The following RAB5A variants were observed in gnomAD, a reference collection of about 807,000 sequenced individuals.
RAB5A encodes RAB5A, member RAS oncogene family.
Under a neutral mutation model 25.7 loss-of-function variants are expected in RAB5A, and 8 were observed. The ratio of observed to expected loss-of-function variants is 0.31; its 90% confidence interval spans 0.18 to 0.56. RAB5A has a LOEUF of 0.56. Ranked by LOEUF, RAB5A falls within the 20% of genes least tolerant of loss-of-function variation. RAB5A has a pLI of 0.91. For synonymous variants in RAB5A, 98 were observed against 89.8 expected (o/e 1.09, Z -0.52); for missense variants, 192 against 259.7 (o/e 0.74, Z 1.79).
chr3:19,969,031 G>GTTTTTTTGTTTTT (rs1696702350), intron 2 of RAB5A, among the ~76,000 whole-genome samples: 1 of 99,702 alleles, frequency 1.0e-5, no homozygotes, highest in African/African-American at 5.0e-5. Context: ...TTTGGTTTTG[G>GTTTTTTTGTTTTT]TTTTTTTTTT....
intron 2 of RAB5A, among the ~76,000 whole-genome samples, chr3:19,974,626 AAT>A (rs1409325108): frequency 6.6e-6 from 1 of 151,958 alleles, no homozygotes; most frequent in East Asian, 1.9e-4. Context: ...TTTAAAAAAT[AAT>A]ATAGCAAGAG....
chr3:19,971,949 C>G (rs978079775), intron 2 of RAB5A, among the ~76,000 whole-genome samples: 2 of 144,436 alleles, frequency 1.4e-5, no homozygotes, highest in Non-Finnish European at 2.9e-5. Context: ...TTTGAACTTC[C>G]TTCTTTTAGT....
intron 2 of RAB5A, among the ~76,000 whole-genome samples, chr3:19,961,848 T>C (rs915880910): frequency 5.9e-5 from 9 of 152,362 alleles, no homozygotes; most frequent in African/African-American, 2.2e-4. Flanking sequence ...ATATGTCAGA[T>C]GTACTGTAAT....
At chr3:19,970,853 C>T (rs995197328) in intron 2 of RAB5A, 8 of 300,058 alleles carry the variant, frequency 2.7e-5, no homozygotes, top group African/African-American at 1.3e-4. Context: ...GAAGATGTCA[C>T]CTAAATGTCA....
intron 5 of RAB5A, among the ~76,000 whole-genome samples, chr3:19,979,450 A>G (rs1696880973): frequency 6.8e-6 from 1 of 147,148 alleles, no homozygotes; most frequent in African/African-American, 2.5e-5. Flanking sequence ...TGCCCGACTA[A>G]TTTTTTTTGT....
At chr3:19,950,103 A>G (rs1041187236) in intron 1 of RAB5A, among the ~76,000 whole-genome samples, 17 of 152,344 alleles carry the variant, frequency 1.1e-4, no homozygotes, top group South Asian at 6.2e-4. Context: ...AGTTACAATT[A>G]TTGTAAGTAA....
chr3:19,979,079 C>T (rs544222515), intron 5 of RAB5A, among the ~76,000 whole-genome samples: 6 of 151,952 alleles, frequency 3.9e-5, no homozygotes, highest in South Asian at 2.1e-4. Flanking sequence ...CGGATTCAAG[C>T]GGTTCTCCTG....
At chr3:19,948,206 A>G (rs935652436) in intron 1 of RAB5A, among the ~76,000 whole-genome samples, 1 of 152,284 alleles carries the variant, frequency 6.6e-6, no homozygotes, top group Middle Eastern at 3.4e-3. Context: ...GAAGCTGCTT[A>G]CCTCTGAGAC....
chr3:19,963,222 G>A (rs1696613094), intron 2 of RAB5A, among the ~76,000 whole-genome samples: 1 of 151,924 alleles, frequency 6.6e-6, no homozygotes, highest in Non-Finnish European at 1.5e-5. Flanking sequence ...ATATTTCTCA[G>A]TACATCTATA....
intron 2 of RAB5A, among the ~76,000 whole-genome samples, chr3:19,956,237 A>G (rs1304456169): frequency 2.0e-5 from 3 of 152,084 alleles, no homozygotes; most frequent in Non-Finnish European, 2.9e-5. Context: ...GGAGGGTGCC[A>G]GCACACTGGC....
At chr3:19,953,512 A>G (rs529979922) in intron 2 of RAB5A, among the ~76,000 whole-genome samples, 3 of 151,660 alleles carry the variant, frequency 2.0e-5, no homozygotes, top group African/African-American at 7.3e-5. Context: ...GGATCAAGCA[A>G]TTCTCATGCC....
chr3:19,951,101 A>G (rs764398542), intron 2 of RAB5A, 40 bp downstream of exon 2: 3 of 1,588,722 alleles, frequency 1.9e-6, no homozygotes, highest in South Asian at 2.2e-5. Context: ...TAATCGAATC[A>G]TACATTGACA....
At chr3:19,953,138 T>A (rs1310544052) in intron 2 of RAB5A, among the ~76,000 whole-genome samples, 1 of 152,198 alleles carries the variant, frequency 6.6e-6, no homozygotes, top group Non-Finnish European at 1.5e-5. Context: ...GAGCTTAAGA[T>A]TAGAATTTTT....
intron 2 of RAB5A, among the ~76,000 whole-genome samples, chr3:19,956,742 C>T (rs192109287): frequency 2.0e-5 from 3 of 152,246 alleles, no homozygotes; most frequent in Admixed American, 2.0e-4. Context: ...ACCACAATGC[C>T]TGGCACAGTA....
chr3:19,978,196 A>G, intron 4 of RAB5A, 114 bp from the exon 5 acceptor site: 1 of 741,366 alleles, frequency 1.3e-6, no homozygotes, highest in Non-Finnish European at 2.4e-6. Context: ...AGATGATTAT[A>G]GGAATCAGGT....
chr3:19,984,450 A>G lies in RAB5A; in HGVS notation c.*627A>G, dbSNP rs988254056. 14 of 225,758 alleles carry G rather than the reference A, an allele frequency of 6.2e-5. No individual in the cohort carries two copies. The highest frequency in any genetic ancestry group is 1.1e-4 in the Non-Finnish European group (12 of 113,362). 14.0% of individuals were successfully genotyped at this position (225,758 alleles called of 1,614,324 possible). On this transcript the variant is annotated 3_prime_UTR_variant, in exon 6 of 6. Transcript: ENST00000273047. Reference sequence around the variant, plus strand: ...TTAAATGGGGTAAAAATCAAATGCAACCCCATCTTGTTTTAGGAATTTTGA... The same window carrying G: ...TTAAATGGGGTAAAAATCAAATGCAGCCCCATCTTGTTTTAGGAATTTTGA...
chr3:19,957,144 G>A (rs1185975468), intron 2 of RAB5A, among the ~76,000 whole-genome samples: 1 of 146,710 alleles, frequency 6.8e-6, no homozygotes, highest in Non-Finnish European at 1.5e-5. Context: ...GCCTAAGCTG[G>A]TCTCAAACTC....
chr3:19,973,952 C>A (rs1696787079), intron 2 of RAB5A, among the ~76,000 whole-genome samples: 1 of 151,962 alleles, frequency 6.6e-6, no homozygotes. Context: ...TATCATAATT[C>A]TTTTGCATAA....
chr3:19,951,268 G>T (rs866379888), intron 2 of RAB5A: 27 of 491,760 alleles, frequency 5.5e-5, no homozygotes, highest in Middle Eastern at 5.6e-4. Context: ...AATCCCTTGT[G>T]GTTATATTGT....
Sources: gnomAD v4.1 joint callset for allele counts (sites outside exome capture counted in the v4.1 genomes callset) on GRCh38, gnomAD v4.1.1 for gene constraint, MANE v1.5 for transcripts, NCBI Gene and HGNC (gene_info 2026-07-23, HGNC 2026-07-21) for gene names.